The following BARX2 variants were observed in gnomAD, a reference collection of about 807,000 sequenced individuals.
BARX2 encodes homeobox protein BarH-like 2.
BARX2 carries 11 observed loss-of-function variants against 25.5 expected under a neutral mutation model. The observed-to-expected ratio is 0.43, with a 90% CI of 0.27 to 0.71. The LOEUF is 0.71. Ranked by LOEUF, BARX2 falls within the 30% of genes least tolerant of loss-of-function variation. The pLI, the probability that BARX2 is intolerant of heterozygous loss-of-function variation, is 0.19. For synonymous variants in BARX2, 137 were observed against 149.5 expected (o/e 0.92, Z 0.61); for missense variants, 360 against 359.9 (o/e 1.00, Z 0.00).
chr11:129,452,178 G>T lies in BARX2; in HGVS notation c.*776G>T, dbSNP rs907522438. 2 of 152,074 alleles carry T rather than the reference G, an allele frequency of 1.3e-5. No homozygotes were observed. The highest frequency in any genetic ancestry group is 2.9e-5 in the Non-Finnish European group (2 of 68,012). The allele number at this position is 152,074 out of a possible 1,614,324, so 9.4% of individuals were successfully genotyped here. On this transcript the variant is annotated 3_prime_UTR_variant, in exon 4 of 4. Coordinates refer to ENST00000281437, the MANE Select transcript of BARX2 (RefSeq NM_003658.5). ...CTGATTTTTCATAAAAAACATTTGT[G>T]ACCTTCGGCATAAATGGGTTAAGGT...
At chr11:129,430,455 T>C (rs1409220444) in intron 1 of BARX2, among the ~76,000 whole-genome samples, 4 of 152,242 alleles carry the variant, frequency 2.6e-5, no homozygotes, top group African/African-American at 9.6e-5. Flanking sequence ...GGGAGTCTTC[T>C]ACTTTATGTA....
intron 1 of BARX2, among the ~76,000 whole-genome samples, chr11:129,378,563 C>CTTTTTTTTTTTTTT (rs56804728): frequency 4.8e-4 from 53 of 111,164 alleles, no homozygotes; most frequent in Non-Finnish European, 5.7e-4. Context: ...TTTTCTTTTT[C>CTTTTTTTTTTTTTT]TTTTTTTTTT....
intron 1 of BARX2, among the ~76,000 whole-genome samples, chr11:129,423,291 A>G (rs1157014583): frequency 6.6e-6 from 1 of 151,464 alleles, no homozygotes; most frequent in Non-Finnish European, 1.5e-5. Context: ...TAATTTTTGT[A>G]TAATTAGTAG....
At chr11:129,443,450 G>A (rs75139454) in intron 3 of BARX2, among the ~76,000 whole-genome samples, 3 of 152,094 alleles carry the variant, frequency 2.0e-5, no homozygotes, top group East Asian at 1.9e-4. Flanking sequence ...GTCCTCTAAC[G>A]CAGTGATCCT....
chr11:129,408,976 T>A (rs1314476043), intron 1 of BARX2, among the ~76,000 whole-genome samples: 2 of 152,146 alleles, frequency 1.3e-5, no homozygotes, highest in African/African-American at 4.8e-5. Flanking sequence ...TGACCTTTGT[T>A]GCCCTCAAAC....
chr11:129,433,226 C>T (rs753523972), intron 1 of BARX2, among the ~76,000 whole-genome samples: 11 of 152,200 alleles, frequency 7.2e-5, no homozygotes, highest in Non-Finnish European at 1.3e-4. Context: ...CAGGCCTCTC[C>T]TGGCAACTCT....
intron 1 of BARX2, among the ~76,000 whole-genome samples, chr11:129,385,954 A>G (rs765163674): frequency 1.9e-4 from 29 of 152,252 alleles, no homozygotes; most frequent in Non-Finnish European, 4.4e-5. Context: ...ATAGTCTCAC[A>G]GTGGGAAACT....
intron 1 of BARX2, among the ~76,000 whole-genome samples, chr11:129,428,784 T>C (rs1862096413): frequency 6.6e-6 from 1 of 152,190 alleles, no homozygotes; most frequent in African/African-American, 2.4e-5. Flanking sequence ...ATTGCGATTC[T>C]ATTTGTTGAC....
At chr11:129,423,234 A>G (rs1862026411) in intron 1 of BARX2, among the ~76,000 whole-genome samples, 1 of 150,840 alleles carries the variant, frequency 6.6e-6, no homozygotes, top group African/African-American at 2.4e-5. Context: ...CTCCTGCCTC[A>G]GGCTCCCGAG....
At chr11:129,442,656 T>C (rs891974176) in intron 2 of BARX2, 179 bp from the exon 3 acceptor site, 15 of 662,654 alleles carry the variant, frequency 2.3e-5, no homozygotes, top group African/African-American at 2.2e-4. Flanking sequence ...CTTCCCAGAG[T>C]TTCCTCTGTT....
At position 129,392,542 on chromosome 11, in the gene BARX2, G is replaced by A. The variant is rs1012289732; in HGVS notation, c.187+16320G>A. Among the ~76,000 whole-genome samples, 9 of 152,128 alleles carry A rather than the reference G, an allele frequency of 5.9e-5. 1 individual carries two copies. The highest frequency in any genetic ancestry group is 5.9e-4 in the Admixed American group (9 of 15,278). Reference sequence around the variant, plus strand: ...ATAATAACAATACACACACATAACAGGAAACACTGGTATAATACTATGTGC... The same window carrying A: ...ATAATAACAATACACACACATAACAAGAAACACTGGTATAATACTATGTGC... On this transcript the variant is annotated intron_variant, in intron 1 of 3. Coordinates refer to ENST00000281437, the MANE Select transcript of BARX2 (RefSeq NM_003658.5).
chr11:129,451,636 G>A lies in BARX2; in HGVS notation c.*234G>A. 1 of 556,878 alleles carries A rather than the reference G, an allele frequency of 1.8e-6. No individual in the cohort carries two copies. Among genetic ancestry groups the A allele is most frequent in the East Asian group, 3.1e-5 (1 of 32,430 alleles). The allele number at this position is 556,878 out of a possible 1,614,324, so 34.5% of individuals were successfully genotyped here. ...GGCTGCTTTAGCTGTGGATGCCCTT[G>A]ATTAAGGGAGAGAGCGCCTAGGAGC... On this transcript the variant is annotated 3_prime_UTR_variant, in exon 4 of 4. Coordinates refer to ENST00000281437, the MANE Select transcript of BARX2 (RefSeq NM_003658.5).
chr11:129,427,368 C>G (rs1288813038), intron 1 of BARX2, among the ~76,000 whole-genome samples: 1 of 152,148 alleles, frequency 6.6e-6, no homozygotes, highest in African/African-American at 2.4e-5. Flanking sequence ...TAGGGGAATA[C>G]TTCGGTGTGG....
At chr11:129,406,188 T>C (rs1246848079) in intron 1 of BARX2, among the ~76,000 whole-genome samples, 1 of 152,248 alleles carries the variant, frequency 6.6e-6, no homozygotes, top group Non-Finnish European at 1.5e-5. Flanking sequence ...TTGTGCCCAT[T>C]GTTTTAAACA....
intron 1 of BARX2, among the ~76,000 whole-genome samples, chr11:129,398,196 G>A (rs939823080): frequency 1.3e-5 from 2 of 152,210 alleles, no homozygotes; most frequent in Non-Finnish European, 2.9e-5. Flanking sequence ...TGGACTTACT[G>A]TTGCTCCATA....
intron 1 of BARX2, among the ~76,000 whole-genome samples, chr11:129,417,722 T>G (rs1455526546): frequency 6.6e-6 from 1 of 152,230 alleles, no homozygotes; most frequent in Non-Finnish European, 1.5e-5. Context: ...AGAGGAGATG[T>G]TTGGCGAAGG....
At chr11:129,401,583 G>A (rs1318447512) in intron 1 of BARX2, among the ~76,000 whole-genome samples, 11 of 152,188 alleles carry the variant, frequency 7.2e-5, no homozygotes, top group Admixed American at 7.2e-4. Context: ...TTTACACACA[G>A]TGGCTTCTGC....
At chr11:129,399,080 C>A (rs1191467133) in intron 1 of BARX2, among the ~76,000 whole-genome samples, 2 of 152,214 alleles carry the variant, frequency 1.3e-5, no homozygotes, top group East Asian at 3.8e-4. Context: ...CAAGGAACAT[C>A]ATGACAGACT....
At chr11:129,440,840 G>A (rs1862247194) in intron 2 of BARX2, among the ~76,000 whole-genome samples, 1 of 152,200 alleles carries the variant, frequency 6.6e-6, no homozygotes, top group South Asian at 2.1e-4. Flanking sequence ...TCCCCATGGA[G>A]CAGGCAAGTG....
Sources: allele counts gnomAD v4.1 joint callset (sites outside exome capture counted in the v4.1 genomes callset), GRCh38; gene constraint gnomAD v4.1.1; transcripts MANE v1.5; gene names NCBI Gene and HGNC (gene_info 2026-07-23, HGNC 2026-07-21).